The following SND1 variants were observed in gnomAD, a reference collection of about 807,000 sequenced individuals.
The protein encoded by SND1 is staphylococcal nuclease domain-containing protein 1.
A neutral mutation model predicts 121.7 loss-of-function variants in SND1; 38 were observed. That is an observed-to-expected ratio of 0.31 (90% confidence interval 0.24 to 0.41). The LOEUF (loss-of-function observed/expected upper bound fraction) is 0.41. SND1 is among the 10% of genes least tolerant of loss of function. SND1 has a pLI of 1.00. For synonymous variants in SND1, 401 were observed against 447.4 expected (o/e 0.90, Z 1.31); for missense variants, 868 against 1,184.6 (o/e 0.73, Z 3.92).
intron 14 of SND1, among the ~76,000 whole-genome samples, chr7:127,907,947 T>C (rs1286377319): frequency 6.6e-6 from 1 of 152,190 alleles, no homozygotes; most frequent in Non-Finnish European, 1.5e-5. Context: ...TGGAAGTGAC[T>C]CATCTAAGCA....
chr7:127,824,145 T>A (rs76117561), intron 11 of SND1, among the ~76,000 whole-genome samples: 261 of 152,342 alleles, frequency 1.7e-3, no homozygotes, highest in African/African-American at 6.0e-3. Context: ...CCTTTTCCCA[T>A]GGTGGTATCT....
intron 10 of SND1, among the ~76,000 whole-genome samples, chr7:127,802,136 C>T (rs1461474434): frequency 7.2e-5 from 11 of 152,232 alleles, no homozygotes; most frequent in East Asian, 1.9e-4. Flanking sequence ...TGAACCACCG[C>T]GCCCAGCTCT....
chr7:127,777,320 G>A (rs1409296176), intron 10 of SND1, among the ~76,000 whole-genome samples: 2 of 152,200 alleles, frequency 1.3e-5, no homozygotes, highest in Non-Finnish European at 1.5e-5. Flanking sequence ...AGATATTAAT[G>A]TTATATGCAA....
rs1279324040 is a variant in SND1 at position 128,092,502 on chromosome 7, T to C, written c.*444T>C. ...TGTGATTTTTCTGATACGTCCATTCTCAAATGCCAGTGTGTTCACATCTTC... is the reference window on the plus strand; with the variant it reads ...TGTGATTTTTCTGATACGTCCATTCCCAAATGCCAGTGTGTTCACATCTTC... On this transcript the variant is annotated 3_prime_UTR_variant, in exon 24 of 24. Coordinates refer to ENST00000354725, the MANE Select transcript of SND1 (RefSeq NM_014390.4). This position sits in a 1 kb window ranked among gnomAD's most constrained non-coding sequence, Gnocchi z 4.9. 3.3e-5 allele frequency: 6 copies of C among 183,890 alleles called. No homozygotes were observed. The highest frequency in any genetic ancestry group is 6.9e-5 in the Non-Finnish European group (6 of 86,512). The allele number at this position is 183,890 out of a possible 1,614,324, so 11.4% of individuals were successfully genotyped here. A position where few individuals can be genotyped will look rare whatever the true frequency, so the allele number is the denominator to read the frequency against.
chr7:127,738,344 G>A (rs569105649), intron 10 of SND1, among the ~76,000 whole-genome samples: 4 of 149,616 alleles, frequency 2.7e-5, no homozygotes, highest in Admixed American at 2.7e-4. Flanking sequence ...GAGTGCAATG[G>A]CGCGATCTCG....
chr7:128,089,726 G>A lies in SND1; in HGVS notation c.2622+34G>A, dbSNP rs373713175. 2.6e-5 allele frequency: 41 copies of A among 1,582,830 alleles called. No homozygotes were observed. In the East Asian group the frequency reaches 6.3e-4, roughly 24 times the overall value. ...TGTGGAGAGGCGGCCCCAGCATTGC[G>A]CCACCACCCTCACAGAGAAAGGGAC... is the stretch of plus-strand genomic sequence containing the variant. On this transcript the variant is annotated intron_variant, in intron 22 of 23. Coordinates refer to ENST00000354725, the MANE Select transcript of SND1 (RefSeq NM_014390.4).
chr7:128,061,047 G>C (rs773202152), intron 16 of SND1, among the ~76,000 whole-genome samples: 93 of 152,242 alleles, frequency 6.1e-4, no homozygotes, highest in Middle Eastern at 3.4e-3. Flanking sequence ...TGGCCCCACT[G>C]GGGGGTCACA....
chr7:127,783,103 A>G (rs1046644311), intron 10 of SND1, among the ~76,000 whole-genome samples: 2 of 152,200 alleles, frequency 1.3e-5, no homozygotes, highest in Admixed American at 6.5e-5. Flanking sequence ...AAGGGTAGTT[A>G]GTTATCACAT....
At chr7:127,986,890 A>AT (rs145681936) in intron 15 of SND1, among the ~76,000 whole-genome samples, 14 of 151,828 alleles carry the variant, frequency 9.2e-5, no homozygotes, top group East Asian at 1.9e-4. Flanking sequence ...AATTTTTGGG[A>AT]TTTTTTTTTA....
chr7:127,802,663 C>T (rs545304189), intron 10 of SND1, among the ~76,000 whole-genome samples: 4 of 152,274 alleles, frequency 2.6e-5, no homozygotes, highest in African/African-American at 7.2e-5. Flanking sequence ...AACTCCCAAA[C>T]GTATTTTGCT....
chr7:128,030,004 T>C (rs1257137773), intron 16 of SND1: 1 of 1,613,132 alleles, frequency 6.2e-7, no homozygotes, highest in Non-Finnish European at 8.5e-7. Flanking sequence ...GGGGTGAGAT[T>C]GGGCATGTCT....
chr7:128,091,514 T>C (rs2117074135), intron 22 of SND1, among the ~76,000 whole-genome samples: 1 of 151,938 alleles, frequency 6.6e-6, no homozygotes, highest in African/African-American at 2.4e-5. Context: ...CTGGCCTAGG[T>C]TGTAATTTTA....
intron 16 of SND1, among the ~76,000 whole-genome samples, chr7:128,036,201 A>AC (rs1554364875): frequency 2.4e-5 from 2 of 83,032 alleles, no homozygotes; most frequent in African/African-American, 1.8e-4. Flanking sequence ...TAATGAACAC[A>AC]TTTGTGTGTG....
intron 12 of SND1, among the ~76,000 whole-genome samples, chr7:127,866,464 C>T (rs1799479381): frequency 6.6e-6 from 1 of 152,032 alleles, no homozygotes; most frequent in Non-Finnish European, 1.5e-5. Flanking sequence ...CCTAGGTGTT[C>T]CTTGGGGTAT....
chr7:128,075,629 C>A (rs1473072397), intron 17 of SND1, among the ~76,000 whole-genome samples: 1 of 152,194 alleles, frequency 6.6e-6, no homozygotes, highest in South Asian at 2.1e-4. Flanking sequence ...CTTCCCTTCC[C>A]CTGGGGATTG....
chr7:127,764,160 A>G (rs1331616934), intron 10 of SND1, among the ~76,000 whole-genome samples: 1 of 152,110 alleles, frequency 6.6e-6, no homozygotes, highest in East Asian at 1.9e-4. Context: ...ACAATTTTTT[A>G]TGGGATAGTA....
At chr7:127,765,297 A>T (rs369603291) in intron 10 of SND1, among the ~76,000 whole-genome samples, 19 of 152,124 alleles carry the variant, frequency 1.2e-4, no homozygotes, top group African/African-American at 3.6e-4. Context: ...ATTTGCATTT[A>T]AAAAAAATGA....
chr7:127,795,603 A>C (rs1268056492), intron 10 of SND1, among the ~76,000 whole-genome samples: 1 of 152,196 alleles, frequency 6.6e-6, no homozygotes, highest in Non-Finnish European at 1.5e-5. Context: ...TGTTTTTTCA[A>C]GATCATAAGT....
At chr7:128,079,224 C>T (rs762877702) in intron 17 of SND1, among the ~76,000 whole-genome samples, 25 of 152,258 alleles carry the variant, frequency 1.6e-4, no homozygotes, top group Non-Finnish European at 3.7e-4. Context: ...ATAGGCTTGG[C>T]ATCAGAAGCA....
Sources: gnomAD v4.1 joint callset for allele counts (sites outside exome capture counted in the v4.1 genomes callset) on GRCh38, gnomAD v4.1.1 for gene constraint, Gnocchi (gnomAD v3.1) non-coding constraint, MANE v1.5 for transcripts, NCBI Gene and HGNC (gene_info 2026-07-23, HGNC 2026-07-21) for gene names.